BMPR1A: variants seen among roughly 807,000 people sequenced by gnomAD.
BMPR1A encodes bone morphogenetic protein receptor type 1A.
BMPR1A carries 7 observed loss-of-function variants against 66.0 expected under a neutral mutation model. The ratio of observed to expected loss-of-function variants is 0.11; its 90% CI spans 0.06 to 0.20. BMPR1A has a LOEUF of 0.20. Ranked by LOEUF, BMPR1A falls within the 10% of genes least tolerant of loss-of-function variation. The probability of loss-of-function intolerance (pLI) is 1.00; values close to 1 mark genes in which losing one functional copy is unlikely to be tolerated. For missense variants in BMPR1A, 408 were observed against 669.1 expected (o/e 0.61, Z 4.31); for synonymous variants, 200 against 229.7 (o/e 0.87, Z 1.17).
chr10:86,781,061 G>A (rs1342563796), intron 1 of BMPR1A, among the ~76,000 whole-genome samples: 1 of 151,934 alleles, frequency 6.6e-6, no homozygotes, highest in Non-Finnish European at 1.5e-5. Context: ...TCACCATGTT[G>A]GTCAAGCTGG....
chr10:86,915,492 G>T (rs1419879386), intron 8 of BMPR1A, among the ~76,000 whole-genome samples: 1 of 151,916 alleles, frequency 6.6e-6, no homozygotes, highest in Non-Finnish European at 1.5e-5. Context: ...AAACTTACAG[G>T]CTGAGGCAGG....
intron 1 of BMPR1A, among the ~76,000 whole-genome samples, chr10:86,759,545 C>G (rs1331913012): frequency 2.0e-5 from 3 of 152,154 alleles, no homozygotes; most frequent in African/African-American, 7.2e-5. Context: ...AAACCCAAAC[C>G]TTTTCCCATT....
rs188109822 is a variant in BMPR1A at position 86,845,623 on chromosome 10, T to C, written c.-153+6644T>C. ...ACGAAGGTCTGCTGTGGTCTGCCCC[T>C]TTTACCAGTGAGACTCCCTCATGCC... is the stretch of plus-strand genomic sequence containing the variant. On this transcript the variant is annotated intron_variant, in intron 2 of 12. Transcript: ENST00000372037. Among the ~76,000 whole-genome samples, 607 of 152,250 alleles carry C rather than the reference T, an allele frequency of 4.0e-3. 1 individual carries two copies. The highest frequency in any genetic ancestry group is 0.014 in the African/African-American group (580 of 41,546).
intron 1 of BMPR1A, among the ~76,000 whole-genome samples, chr10:86,835,589 G>A (rs1279013070): frequency 3.8e-4 from 24 of 63,522 alleles, no homozygotes; most frequent in African/African-American, 6.7e-4. Flanking sequence ...AAAAAAAAAA[G>A]GTGTTTTGGC....
chr10:86,920,303 C>T (rs1334231182), intron 10 of BMPR1A, among the ~76,000 whole-genome samples: 2 of 152,118 alleles, frequency 1.3e-5, no homozygotes, highest in African/African-American at 4.8e-5. Flanking sequence ...AGCAGTGTGC[C>T]TCAGTTTACA....
chr10:86,817,846 C>T (rs1466620081), intron 1 of BMPR1A, among the ~76,000 whole-genome samples: 2 of 152,276 alleles, frequency 1.3e-5, no homozygotes, highest in Middle Eastern at 3.4e-3. Flanking sequence ...AAAGAGAACC[C>T]TTTCCAACTC....
intron 2 of BMPR1A, among the ~76,000 whole-genome samples, chr10:86,852,274 A>C (rs1196590443): frequency 6.6e-6 from 1 of 152,242 alleles, no homozygotes; most frequent in Middle Eastern, 3.2e-3. Flanking sequence ...AACTGTACAC[A>C]TTGGGAAATT....
At chr10:86,879,301 C>G (rs1036587921) in intron 3 of BMPR1A, among the ~76,000 whole-genome samples, 1 of 152,156 alleles carries the variant, frequency 6.6e-6, no homozygotes, top group African/African-American at 2.4e-5. Flanking sequence ...AAATCTTTCC[C>G]CATTCACTCA....
intron 1 of BMPR1A, among the ~76,000 whole-genome samples, chr10:86,809,713 G>A (rs1317888302): frequency 6.6e-6 from 1 of 151,088 alleles, no homozygotes; most frequent in Non-Finnish European, 1.5e-5. Context: ...CAAGTATTGG[G>A]ATTGCAGGTG....
intron 3 of BMPR1A, among the ~76,000 whole-genome samples, chr10:86,883,978 G>T (rs892730233): frequency 4.0e-5 from 6 of 150,826 alleles, no homozygotes; most frequent in Non-Finnish European, 8.8e-5. Flanking sequence ...GGGTTCAAGC[G>T]ATTCTCCTGC....
chr10:86,757,073 G>T (rs1311430429), intron 1 of BMPR1A, among the ~76,000 whole-genome samples, 154 bp downstream of exon 1: 1 of 150,716 alleles, frequency 6.6e-6, no homozygotes, highest in Non-Finnish European at 1.5e-5. Context: ...CTCGGCGCGC[G>T]CTGGGCCGGG....
At chr10:86,898,258 T>TATATAA (rs35781236) in intron 5 of BMPR1A, among the ~76,000 whole-genome samples, 4 of 151,638 alleles carry the variant, frequency 2.6e-5, no homozygotes, top group African/African-American at 9.7e-5. Flanking sequence ...CATATATATA[T>TATATAA]AACATATATA....
chr10:86,780,035 G>T (rs527733922), intron 1 of BMPR1A, among the ~76,000 whole-genome samples: 3 of 152,108 alleles, frequency 2.0e-5, no homozygotes, highest in African/African-American at 4.8e-5. Flanking sequence ...CCTCCCGAAC[G>T]CTGGGATTAC....
downstream of BMPR1A, chr10:86,929,084 T>C (rs1210623930): frequency 6.6e-6 from 1 of 152,072 alleles, no homozygotes; most frequent in Non-Finnish European, 1.5e-5. Context: ...CTGTGCTCAA[T>C]CCCCTATTGA....
At chr10:86,807,078 G>A (rs898875356) in intron 1 of BMPR1A, among the ~76,000 whole-genome samples, 1 of 152,112 alleles carries the variant, frequency 6.6e-6, no homozygotes, top group East Asian at 1.9e-4. Context: ...TCTGTTAGTG[G>A]GATTCAATAT....
chr10:86,809,538 C>A (rs1841938339), intron 1 of BMPR1A, among the ~76,000 whole-genome samples: 1 of 151,892 alleles, frequency 6.6e-6, no homozygotes, highest in Non-Finnish European at 1.5e-5. Context: ...AAGTGATCCT[C>A]CTGCCTCAGT....
chr10:86,847,339 T>C (rs188638796), intron 2 of BMPR1A, among the ~76,000 whole-genome samples: 7 of 152,150 alleles, frequency 4.6e-5, no homozygotes, highest in African/African-American at 1.4e-4. Context: ...TACTGTCTTA[T>C]GGTTTCAACT....
At chr10:86,775,681 A>T (rs1357531929) in intron 1 of BMPR1A, among the ~76,000 whole-genome samples, 4 of 151,996 alleles carry the variant, frequency 2.6e-5, no homozygotes, top group Non-Finnish European at 5.9e-5. Context: ...TTTTTAATGT[A>T]ATAGCTTGCA....
chr10:86,819,810 A>G (rs1842095544), intron 1 of BMPR1A, among the ~76,000 whole-genome samples: 1 of 152,216 alleles, frequency 6.6e-6, no homozygotes, highest in African/African-American at 2.4e-5. Context: ...TATGAGTGGC[A>G]TAGCTTATGT....
Sources: gnomAD v4.1 joint callset for allele counts (sites outside exome capture counted in the v4.1 genomes callset) on GRCh38, gnomAD v4.1.1 for gene constraint, MANE v1.5 for transcripts, NCBI Gene and HGNC (gene_info 2026-07-23, HGNC 2026-07-21) for gene names.